Variants in GABRG3 observed in about 807,000 individuals in gnomAD.
GABRG3 encodes the protein gamma-aminobutyric acid type A receptor subunit gamma3.
GABRG3 carries 25 observed loss-of-function variants against 48.8 expected under a neutral mutation model. That is an observed-to-expected ratio of 0.51 (90% CI 0.37 to 0.72). The LOEUF (loss-of-function observed/expected upper bound fraction) is 0.72. Ranked by LOEUF, GABRG3 falls within the 30% of genes least tolerant of loss-of-function variation. The pLI is 0.00. For synonymous variants in GABRG3, 227 were observed against 217.6 expected (o/e 1.04, Z -0.38); for missense variants, 394 against 577.9 (o/e 0.68, Z 3.26).
intron 1 of GABRG3, among the ~76,000 whole-genome samples, chr15:26,973,080 A>G (rs974439718): frequency 1.3e-5 from 2 of 152,204 alleles, no homozygotes; most frequent in African/African-American, 4.8e-5. Context: ...CATCTCTGCC[A>G]CCTTTCTATT....
chr15:27,492,554 T>C (rs1299883818), intron 6 of GABRG3, among the ~76,000 whole-genome samples: 1 of 152,228 alleles, frequency 6.6e-6, no homozygotes, highest in Non-Finnish European at 1.5e-5. Flanking sequence ...GGCTTCTTTT[T>C]CTTTCTGCCA....
At chr15:27,229,875 A>G (rs899931387) in intron 3 of GABRG3, among the ~76,000 whole-genome samples, 4 of 152,096 alleles carry the variant, frequency 2.6e-5, no homozygotes, top group African/African-American at 9.7e-5. Flanking sequence ...TGCCTCAGCT[A>G]TTCAGGCTCT....
intron 5 of GABRG3, among the ~76,000 whole-genome samples, chr15:27,460,441 C>T (rs1001903937): frequency 3.3e-5 from 5 of 152,100 alleles, no homozygotes; most frequent in African/African-American, 4.8e-5. Context: ...CAGGGCGCCC[C>T]GCAAGGAGAA....
chr15:27,434,730 A>G (rs575780171), intron 5 of GABRG3, among the ~76,000 whole-genome samples: 3 of 152,280 alleles, frequency 2.0e-5, no homozygotes, highest in East Asian at 3.9e-4. Context: ...GAGCAGCAGT[A>G]TGAGGCATAG....
intron 5 of GABRG3, among the ~76,000 whole-genome samples, chr15:27,374,561 T>A (rs1258656538): frequency 6.6e-6 from 1 of 152,242 alleles, no homozygotes; most frequent in Non-Finnish European, 1.5e-5. Flanking sequence ...ATATTGTCTA[T>A]GCATTTCTAT....
At chr15:27,263,442 C>T (rs1401077544) in intron 3 of GABRG3, among the ~76,000 whole-genome samples, 1 of 152,134 alleles carries the variant, frequency 6.6e-6, no homozygotes, top group African/African-American at 2.4e-5. Flanking sequence ...TATTTCCCCA[C>T]ATTAAGAGGT....
At chr15:27,070,636 G>T (rs891256457) in intron 3 of GABRG3, among the ~76,000 whole-genome samples, 4 of 152,120 alleles carry the variant, frequency 2.6e-5, no homozygotes, top group Non-Finnish European at 5.9e-5. Flanking sequence ...AAATGTTAAG[G>T]TTTATGACAA....
At chr15:27,302,205 G>T (rs1014392578) in intron 3 of GABRG3, among the ~76,000 whole-genome samples, 1 of 152,030 alleles carries the variant, frequency 6.6e-6, no homozygotes, top group African/African-American at 2.4e-5. Flanking sequence ...ATACATAAAA[G>T]TGTCTGATAG....
intron 5 of GABRG3, among the ~76,000 whole-genome samples, chr15:27,348,967 A>T (rs1403617160): frequency 6.6e-6 from 1 of 152,168 alleles, no homozygotes; most frequent in African/African-American, 2.4e-5. Flanking sequence ...CACAGGAAGA[A>T]CTGGAGAGGG....
chr15:27,193,098 C>T (rs146719887), intron 3 of GABRG3, among the ~76,000 whole-genome samples: 9 of 152,076 alleles, frequency 5.9e-5, no homozygotes, highest in South Asian at 4.1e-4. Flanking sequence ...GAGGAGTATC[C>T]GGCCGTGTGA....
At chr15:27,241,068 G>A (rs988250315) in intron 3 of GABRG3, among the ~76,000 whole-genome samples, 2 of 152,172 alleles carry the variant, frequency 1.3e-5, no homozygotes, top group African/African-American at 4.8e-5. Context: ...ATTATCTCAA[G>A]CATCCATAGG....
intron 5 of GABRG3, among the ~76,000 whole-genome samples, chr15:27,423,469 T>C (rs1348805121): frequency 6.6e-6 from 1 of 151,614 alleles, no homozygotes; most frequent in African/African-American, 2.4e-5. Flanking sequence ...TTATCAAATC[T>C]GGACTCAACA....
At chr15:27,083,183 A>T (rs1305066347) in intron 3 of GABRG3, among the ~76,000 whole-genome samples, 6 of 152,172 alleles carry the variant, frequency 3.9e-5, no homozygotes, top group African/African-American at 1.4e-4. Flanking sequence ...AGTTTTTATG[A>T]CTCAAATGAT....
rs537410302 is a variant in GABRG3 at position 27,457,397 on chromosome 15, A to C, written c.575-23253A>C. Among the ~76,000 whole-genome samples, 8 of 152,274 alleles carry C rather than the reference A, an allele frequency of 5.3e-5. No homozygotes were observed. The highest frequency in any genetic ancestry group is 2.1e-4 in the South Asian group (1 of 4,820). ...TCACCTTCAGACCTACATCCATCCA[A>C]AGGCTACCTGTTCCTTTTTTCTTTC... On this transcript the variant is annotated intron_variant, in intron 5 of 9. Transcript: ENST00000615808. This position sits in a 1 kb window ranked among gnomAD's most constrained non-coding sequence, Gnocchi z 4.4.
intron 3 of GABRG3, among the ~76,000 whole-genome samples, chr15:27,243,868 C>T (rs754745323): frequency 2.6e-5 from 4 of 152,094 alleles, no homozygotes; most frequent in African/African-American, 7.2e-5. Flanking sequence ...TTCAACTTTA[C>T]GCACTCAGTG....
rs1472369589 is a variant in GABRG3 at position 27,409,261 on chromosome 15, AT to A, written c.575-71384del. On this transcript the variant is annotated intron_variant, in intron 5 of 9. Coordinates refer to ENST00000615808, the MANE Select transcript of GABRG3 (RefSeq NM_033223.5). ...TTATATTTAAATCTATTTTGAATTA[AT>A]TTTTGTGCATGGCATGCAATATAGA... is the stretch of plus-strand genomic sequence containing the variant. 2.6e-5 allele frequency among the ~76,000 whole-genome samples: 4 copies of A among 152,150 alleles called. No homozygotes were observed. The East Asian group carries it at 7.7e-4, about 29-fold the overall frequency.
chr15:27,411,266 A>G, intron 5 of GABRG3, among the ~76,000 whole-genome samples: 1 of 152,144 alleles, frequency 6.6e-6, no homozygotes, highest in Non-Finnish European at 1.5e-5. Flanking sequence ...GATTCAGGTC[A>G]AATAAAAATA....
chr15:27,386,236 G>A (rs558142892), intron 5 of GABRG3, among the ~76,000 whole-genome samples: 5 of 152,236 alleles, frequency 3.3e-5, no homozygotes, highest in African/African-American at 1.2e-4. Flanking sequence ...TCTTTAAACT[G>A]CTTGAGTGAG....
Position 27,247,277 on chromosome 15 carries a change from C to T in GABRG3, c.271-79532C>T, listed in dbSNP as rs150319321. On this transcript the variant is annotated intron_variant, in intron 3 of 9. Coordinates refer to ENST00000615808, the MANE Select transcript of GABRG3 (RefSeq NM_033223.5). Reference sequence around the variant, plus strand: ...AAACCCCCTCATAGAGACTCTTCTCCTTGTGAGTCCTTGCCCCTCTAACCC... The same window carrying T: ...AAACCCCCTCATAGAGACTCTTCTCTTTGTGAGTCCTTGCCCCTCTAACCC... Among the ~76,000 whole-genome samples, 394 of 152,138 alleles carry T rather than the reference C, an allele frequency of 2.6e-3. 5 individuals carry two copies. The highest frequency in any genetic ancestry group is 9.1e-3 in the African/African-American group (376 of 41,526).
Sources: allele counts gnomAD v4.1 joint callset (sites outside exome capture counted in the v4.1 genomes callset), GRCh38; gene constraint gnomAD v4.1.1; non-coding constraint Gnocchi (gnomAD v3.1); transcripts MANE v1.5; gene names NCBI Gene and HGNC (gene_info 2026-07-23, HGNC 2026-07-21).